The following CD55 variants were observed in gnomAD, a reference collection of about 807,000 sequenced individuals.
CD55 encodes CD55 molecule (Cromer blood group).
A neutral mutation model predicts 45.8 loss-of-function variants in CD55; 41 were observed. The observed-to-expected ratio is 0.90, with a 90% CI of 0.70 to 1.16. The LOEUF is 1.16. Ranked by LOEUF, CD55 falls within the 50% of genes most tolerant of loss-of-function variation. The probability of loss-of-function intolerance (pLI) is 0.00; values close to 1 mark genes in which losing one functional copy is unlikely to be tolerated. For synonymous variants in CD55, 181 were observed against 181.1 expected, an observed-to-expected ratio of 1.00 and a Z score of 0.01; for missense variants, 416 against 469.8, an observed-to-expected ratio of 0.89 and a Z score of 1.06.
At chr1:207,350,079 T>C in intron 9 of CD55, 1 of 454,432 alleles carries the variant, frequency 2.2e-6, no homozygotes, top group East Asian at 7.1e-5. Flanking sequence ...GGATGTTGAA[T>C]GTTGTCAAAA....
At chr1:207,337,159 G>A in intron 7 of CD55, 170 bp from the exon 8 acceptor site, 1 of 613,106 alleles carries the variant, frequency 1.6e-6, no homozygotes, top group Non-Finnish European at 2.9e-6. Context: ...AGAATCCCAT[G>A]ATGACAAATG....
At position 207,336,764 on chromosome 1, in the gene CD55, G is replaced by A. The variant is rs749416920; in HGVS notation, c.925G>A (p.Val309Ile). 1.2e-6 allele frequency: 2 copies of A among 1,613,896 alleles called. No individual in the cohort carries two copies. Among genetic ancestry groups the A allele is most frequent in the Admixed American group, 1.7e-5 (1 of 59,984 alleles). The change falls in exon 7 of 10, where the codon GTC becomes ATC. Residue 309 changes from valine to isoleucine, a missense_variant. Val to Ile is a conservative substitution (Grantham distance 29, BLOSUM62 3). Coordinates refer to ENST00000367064, the MANE Select transcript of CD55 (RefSeq NM_000574.5). ...CACAGTAAATGTTCCAACTACAGAA[G>A]TCTCACCAACTTCTCAGAAAACCAC... ...PTTVNVPTTE[V>I]SPTSQKTTTK...
At chr1:207,346,782 T>G (rs1655657804) in intron 9 of CD55, among the ~76,000 whole-genome samples, 1 of 152,162 alleles carries the variant, frequency 6.6e-6, no homozygotes, top group Non-Finnish European at 1.5e-5. Flanking sequence ...CTGTGGCTGC[T>G]TAGGACTCAG....
intron 1 of CD55, among the ~76,000 whole-genome samples, 157 bp downstream of exon 1, chr1:207,322,022 C>G (rs1654432550): frequency 6.6e-6 from 1 of 152,226 alleles, no homozygotes; most frequent in Admixed American, 6.5e-5. Flanking sequence ...TCTCGCCGCT[C>G]ACCAGCATTT....
intron 6 of CD55, 79 bp downstream of exon 6, chr1:207,331,375 C>A: frequency 9.0e-7 from 1 of 1,110,060 alleles, no homozygotes; most frequent in Non-Finnish European, 1.3e-6. Context: ...TTCAATGAAC[C>A]CCCTAAGAAA....
At chr1:207,336,440 A>C (rs1655175077) in intron 6 of CD55, among the ~76,000 whole-genome samples, 1 of 152,186 alleles carries the variant, frequency 6.6e-6, no homozygotes, top group African/African-American at 2.4e-5. Context: ...TTTCACAAGA[A>C]GCAGCTTAAG....
In CD55 at chr1:207,350,113, G is replaced by C. The variant is rs140905614; in HGVS notation, c.1082-9433G>C. On this transcript the variant is annotated intron_variant, in intron 9 of 9. Coordinates refer to ENST00000367064, the MANE Select transcript of CD55 (RefSeq NM_000574.5). ...AAGCCTTTTCTACAACAATTGAGAT[G>C]ATCATGTGGTTTTTTTGTTTGTAGT... 815 of 454,710 alleles carry C rather than the reference G, an allele frequency of 1.8e-3. 6 individuals are homozygous for C. Among genetic ancestry groups the C allele is most frequent in the African/African-American group, 0.014 (719 of 50,016 alleles). The allele number at this position is 454,710 out of a possible 1,614,324, so 28.2% of individuals were successfully genotyped here.
chr1:207,322,922 C>G (rs981897010), intron 2 of CD55, among the ~76,000 whole-genome samples: 4 of 152,100 alleles, frequency 2.6e-5, no homozygotes, highest in Non-Finnish European at 5.9e-5. Flanking sequence ...GTAGGACTTA[C>G]CAAATACAAC....
chr1:207,338,647 C>T (rs2102410781), intron 8 of CD55, among the ~76,000 whole-genome samples: 1 of 152,228 alleles, frequency 6.6e-6, no homozygotes, highest in South Asian at 2.1e-4. Context: ...CCACCACTTA[C>T]TGAGTATATA....
At chr1:207,359,407 TA>T in intron 9 of CD55, 138 bp from the exon 10 acceptor site, 1 of 756,398 alleles carries the variant, frequency 1.3e-6, no homozygotes, top group Non-Finnish European at 2.0e-6. Context: ...TATTACTCAT[TA>T]TTTTTTTTGT....
intron 9 of CD55, among the ~76,000 whole-genome samples, chr1:207,352,248 G>C (rs543853150): frequency 2.0e-5 from 3 of 150,144 alleles, no homozygotes; most frequent in South Asian, 2.1e-4. Context: ...TTTTTTTTGT[G>C]GGGGGTGGGG....
intron 8 of CD55, among the ~76,000 whole-genome samples, chr1:207,338,043 G>T (rs1655262818): frequency 6.6e-6 from 1 of 152,008 alleles, no homozygotes. Flanking sequence ...AGCCTATTTT[G>T]CCAGCACCTG....
In CD55 at chr1:207,359,708, T is replaced by C. The variant is rs1440824092; in HGVS notation, c.*98T>C. 6.9e-7 allele frequency: 1 copy of C among 1,449,396 alleles called. No homozygotes were observed. The highest frequency in any genetic ancestry group is 1.5e-5 in the African/African-American group (1 of 67,032). 89.8% of individuals were successfully genotyped at this position (1,449,396 alleles called of 1,614,324 possible). A position where few individuals can be genotyped will look rare whatever the true frequency, so the allele number is the denominator to read the frequency against. On this transcript the variant is annotated 3_prime_UTR_variant, in exon 10 of 10. Coordinates refer to ENST00000367064, the MANE Select transcript of CD55 (RefSeq NM_000574.5). ...TTGGATAAAATAAATGCAATTGTGC[T>C]CTTCATTTAGGATGCTTTCATTGTC...
intron 2 of CD55, among the ~76,000 whole-genome samples, chr1:207,324,079 C>T (rs1233224095): frequency 6.6e-6 from 1 of 152,104 alleles, no homozygotes; most frequent in African/African-American, 2.4e-5. Context: ...GGTGTAAATA[C>T]TTTATGTATA....
intron 5 of CD55, among the ~76,000 whole-genome samples, chr1:207,329,604 C>T (rs1020741821): frequency 2.0e-5 from 3 of 151,856 alleles, no homozygotes; most frequent in Non-Finnish European, 4.4e-5. Flanking sequence ...TTTCCATGTA[C>T]CTCTTTTTTT....
chr1:207,348,476 T>A (rs1655736586), intron 9 of CD55, among the ~76,000 whole-genome samples: 1 of 152,234 alleles, frequency 6.6e-6, no homozygotes, highest in Non-Finnish European at 1.5e-5. Context: ...TAGAACTTTG[T>A]TAGATGCATA....
At chr1:207,357,958 GTC>G (rs567942535) in intron 9 of CD55, among the ~76,000 whole-genome samples, 11 of 151,810 alleles carry the variant, frequency 7.2e-5, no homozygotes, top group Non-Finnish European at 1.3e-4. Context: ...TGTGAATGGG[GTC>G]TCTCTCTCTC....
intron 9 of CD55, among the ~76,000 whole-genome samples, chr1:207,359,165 G>A (rs1656188334): frequency 6.6e-6 from 1 of 152,028 alleles, no homozygotes; most frequent in Non-Finnish European, 1.5e-5. Flanking sequence ...CTTTCTGAGT[G>A]TCTTCATCTC....
chr1:207,359,328 A>C (rs1337693587), intron 9 of CD55, among the ~76,000 whole-genome samples: 1 of 152,026 alleles, frequency 6.6e-6, no homozygotes, highest in East Asian at 1.9e-4. Context: ...GAGAAACTAA[A>C]AACTCCACGT....
Sources: allele counts gnomAD v4.1 joint callset (sites outside exome capture counted in the v4.1 genomes callset), GRCh38; gene constraint gnomAD v4.1.1; transcripts MANE v1.5; gene names NCBI Gene and HGNC (gene_info 2026-07-23, HGNC 2026-07-21).